Variants in VAV3 observed in about 807,000 individuals in gnomAD.
VAV3 encodes vav guanine nucleotide exchange factor 3, also known as guanine nucleotide exchange factor VAV3.
A neutral mutation model predicts 131.2 loss-of-function variants in VAV3; 94 were observed. That is an observed-to-expected ratio of 0.72 (90% confidence interval 0.61 to 0.85). The LOEUF (loss-of-function observed/expected upper bound fraction) is 0.85, where lower values mean the gene tolerates loss of function less well. Among genes scored for constraint, VAV3 ranks in the 40% least tolerant of loss-of-function variants. The pLI, the probability that VAV3 is intolerant of heterozygous loss-of-function variation, is 0.00. For missense variants in VAV3, 939 were observed against 1,002.7 expected (o/e 0.94, Z 0.86); for synonymous variants, 349 against 342.0 (o/e 1.02, Z -0.22).
At chr1:107,829,091 G>T (rs1217631435) in intron 2 of VAV3, among the ~76,000 whole-genome samples, 2 of 152,114 alleles carry the variant, frequency 1.3e-5, no homozygotes, top group African/African-American at 4.8e-5. Flanking sequence ...ATGTAAATTG[G>T]TCCATTTGCC....
At chr1:107,760,562 T>A (rs758997829) in intron 10 of VAV3, among the ~76,000 whole-genome samples, 1 of 152,200 alleles carries the variant, frequency 6.6e-6, no homozygotes, top group Non-Finnish European at 1.5e-5. Context: ...AGTCCTGTTT[T>A]AAGGACACAA....
At chr1:107,910,932 A>G (rs1431625447) in intron 1 of VAV3, among the ~76,000 whole-genome samples, 2 of 152,074 alleles carry the variant, frequency 1.3e-5, no homozygotes, top group Non-Finnish European at 2.9e-5. Flanking sequence ...GTGGGCCGGT[A>G]TCACACCATT....
intron 2 of VAV3, among the ~76,000 whole-genome samples, chr1:107,840,112 C>T (rs933479636): frequency 3.9e-5 from 6 of 152,122 alleles, no homozygotes; most frequent in African/African-American, 1.4e-4. Flanking sequence ...ACAATTTCTT[C>T]CAGAAAATAG....
intron 22 of VAV3, 86 bp from the exon 23 acceptor site, chr1:107,603,249 T>C (rs1652007332): frequency 1.0e-6 from 1 of 964,764 alleles, no homozygotes; most frequent in East Asian, 2.4e-5. Flanking sequence ...AATATTTAAT[T>C]TAGTGGCAGA....
At chr1:107,769,086 C>T (rs1664896732) in intron 6 of VAV3, among the ~76,000 whole-genome samples, 1 of 152,074 alleles carries the variant, frequency 6.6e-6, no homozygotes, top group Non-Finnish European at 1.5e-5. Context: ...ACTCACAGAC[C>T]TTGTCATTAT....
intron 19 of VAV3, among the ~76,000 whole-genome samples, chr1:107,654,231 C>T (rs983663547): frequency 1.3e-5 from 2 of 152,014 alleles, no homozygotes; most frequent in African/African-American, 4.8e-5. Context: ...GAATGCATCA[C>T]TACTCTTTTC....
chr1:107,609,796 T>C (rs990128379), intron 22 of VAV3, 135 bp downstream of exon 22: 1 of 868,224 alleles, frequency 1.2e-6, no homozygotes, highest in South Asian at 1.7e-5. Flanking sequence ...CATTATGGTG[T>C]TTTGTTACAT....
chr1:107,961,171 C>T (rs1236144116), intron 1 of VAV3, among the ~76,000 whole-genome samples: 3 of 152,076 alleles, frequency 2.0e-5, no homozygotes, highest in Admixed American at 6.5e-5. Flanking sequence ...TCCATAGTGG[C>T]CACTAAACTC....
chr1:107,622,591 C>G (rs1229890664), intron 20 of VAV3, among the ~76,000 whole-genome samples: 1 of 152,080 alleles, frequency 6.6e-6, no homozygotes, highest in Non-Finnish European at 1.5e-5. Context: ...CAATTTGAAA[C>G]AGATGTGGAA....
intron 1 of VAV3, among the ~76,000 whole-genome samples, chr1:107,961,189 G>A (rs548175297): frequency 5.6e-4 from 86 of 152,252 alleles, no homozygotes; most frequent in African/African-American, 1.8e-3. Flanking sequence ...CTCATTGACT[G>A]TATTACCCCT....
intron 4 of VAV3, among the ~76,000 whole-genome samples, chr1:107,776,047 C>T (rs554551706): frequency 6.6e-6 from 1 of 152,178 alleles, no homozygotes; most frequent in Non-Finnish European, 1.5e-5. Context: ...AGTTTTCTCA[C>T]TTTTAAACTG....
chr1:107,713,152 C>G (rs1660886362), intron 15 of VAV3, among the ~76,000 whole-genome samples: 1 of 151,922 alleles, frequency 6.6e-6, no homozygotes, highest in Admixed American at 6.6e-5. Flanking sequence ...GGAATAAAAT[C>G]GACAAAATTG....
At chr1:107,935,336 C>T (rs1673654343) in intron 1 of VAV3, among the ~76,000 whole-genome samples, 1 of 152,088 alleles carries the variant, frequency 6.6e-6, no homozygotes, top group South Asian at 2.1e-4. Context: ...CACTGCCAGT[C>T]AGCAAATAAA....
intron 22 of VAV3, among the ~76,000 whole-genome samples, chr1:107,604,098 T>C (rs902237990): frequency 6.6e-6 from 1 of 151,896 alleles, no homozygotes; most frequent in Non-Finnish European, 1.5e-5. Context: ...TACATAGGTG[T>C]AAAATCTCCT....
rs76052646 is a variant in VAV3 at position 107,674,487 on chromosome 1, A to C, written c.1777+9001T>G. ...GCCACTAATGAACTCTGAAAATCAG[A>C]CCAGATCCCACTGCTAATTTGCACA... On this transcript the variant is annotated intron_variant, in intron 19 of 26. Transcript: ENST00000370056. Among the ~76,000 whole-genome samples the C allele has an allele frequency of 6.6e-5, 10 of 152,338 alleles. No homozygotes were observed. In the East Asian group the frequency reaches 1.9e-3, roughly 29 times the overall value.
intron 12 of VAV3, among the ~76,000 whole-genome samples, chr1:107,752,753 T>C (rs1211482954): frequency 1.3e-5 from 2 of 152,302 alleles, no homozygotes; most frequent in African/African-American, 2.4e-5. Context: ...CGATGAGATA[T>C]TGCTTTAAAA....
chr1:107,683,638 T>C (rs1300096841), intron 18 of VAV3, 105 bp from the exon 19 acceptor site: 1 of 1,149,706 alleles, frequency 8.7e-7, no homozygotes, highest in South Asian at 1.3e-5. Context: ...ATGTTGCACA[T>C]TTTCCAAGTC....
chr1:107,864,591 C>T (rs1264319853), intron 2 of VAV3, among the ~76,000 whole-genome samples: 4 of 152,136 alleles, frequency 2.6e-5, no homozygotes, highest in Admixed American at 1.3e-4. Context: ...CCACTGCACT[C>T]CAGCCTAGGC....
intron 2 of VAV3, among the ~76,000 whole-genome samples, chr1:107,846,971 ATCT>A (rs551407857): frequency 1.2e-4 from 19 of 152,198 alleles, no homozygotes; most frequent in Non-Finnish European, 1.9e-4. Flanking sequence ...AGAATATATA[ATCT>A]TCTCAGCACC....
Sources: gnomAD v4.1 joint callset for allele counts (sites outside exome capture counted in the v4.1 genomes callset) on GRCh38, gnomAD v4.1.1 for gene constraint, MANE v1.5 for transcripts, NCBI Gene and HGNC (gene_info 2026-07-23, HGNC 2026-07-21) for gene names.